Variants in MISFA observed in about 807,000 individuals in gnomAD.
The protein encoded by MISFA is mitochondrial sheath formation associated.
chr11:18,609,712 C>G, the MISFA span: 7 of 662,226 alleles, frequency 1.1e-5, no homozygotes, highest in African/African-American at 1.1e-4. Flanking sequence ...ATTTTATGCT[C>G]AAATGACAGC....
the MISFA span, chr11:18,608,021 AGGG>A: frequency 2.6e-5 from 4 of 152,572 alleles, no homozygotes; most frequent in African/African-American, 9.7e-5. Context: ...AAATTTTTGA[AGGG>A]GGAATAAAAG....
the MISFA span, among the ~76,000 whole-genome samples, chr11:18,605,666 TG>T: frequency 6.6e-5 from 10 of 152,216 alleles, no homozygotes; most frequent in African/African-American, 2.4e-4. Flanking sequence ...TTACATCCTC[TG>T]GCTGTATAGC....
At chr11:18,607,801 G>C in the MISFA span, 2 of 152,184 alleles carry the variant, frequency 1.3e-5, no homozygotes, top group African/African-American at 4.8e-5. Flanking sequence ...AGAAGTAACA[G>C]ACACACAAGG....
the MISFA span, chr11:18,602,544 A>G: frequency 6.6e-6 from 1 of 152,652 alleles, no homozygotes; most frequent in East Asian, 1.9e-4. Flanking sequence ...CTTCTCAGGA[A>G]AGTTGTAAAT....
the MISFA span, chr11:18,601,761 C>T: frequency 2.6e-6 from 1 of 379,302 alleles, no homozygotes; most frequent in East Asian, 3.8e-5. Context: ...CTGGAGTTAA[C>T]ATTGAACTTG....
chr11:18,609,596 T>A, the MISFA span: 1 of 457,690 alleles, frequency 2.2e-6, no homozygotes, highest in South Asian at 2.9e-5. Context: ...AGTGCATAGC[T>A]CATCAGGATC....
chr11:18,606,682 A>C, the MISFA span: 5 of 411,256 alleles, frequency 1.2e-5, no homozygotes, highest in South Asian at 9.0e-5. Flanking sequence ...TATTCAATAC[A>C]TTGAAAATAA....
chr11:18,601,469 A>G, the MISFA span: 373,757 of 394,570 alleles, frequency 0.95, 177,150 homozygotes, highest in East Asian at 1. Flanking sequence ...TTTTTTCTGA[A>G]ACAGGTCTTG....
chr11:18,605,725 C>T, the MISFA span, among the ~76,000 whole-genome samples: 1 of 152,144 alleles, frequency 6.6e-6, no homozygotes, highest in Non-Finnish European at 1.5e-5. Context: ...CAGTCTCGTT[C>T]TGTCACCCAG....
At chr11:18,605,729 C>T in the MISFA span, among the ~76,000 whole-genome samples, 2 of 152,088 alleles carry the variant, frequency 1.3e-5, no homozygotes, top group Admixed American at 6.5e-5. Context: ...CTCGTTCTGT[C>T]ACCCAGGATA....
At chr11:18,606,678 A>G in the MISFA span, 1 of 410,036 alleles carries the variant, frequency 2.4e-6, no homozygotes, top group South Asian at 1.8e-5. Context: ...AATATATTCA[A>G]TACATTGAAA....
chr11:18,604,467 C>A, the MISFA span, among the ~76,000 whole-genome samples: 24 of 151,890 alleles, frequency 1.6e-4, no homozygotes, highest in African/African-American at 5.1e-4. Context: ...ACCAGCCTTG[C>A]CAACATGGTG....
chr11:18,609,610 G>A, the MISFA span: 1 of 487,870 alleles, frequency 2.0e-6, no homozygotes, highest in South Asian at 2.7e-5. Flanking sequence ...CAGGATCAAG[G>A]CTGGCATCTG....
the MISFA span, chr11:18,606,811 T>G: frequency 7.2e-5 from 27 of 375,192 alleles, no homozygotes; most frequent in Non-Finnish European, 5.0e-6. Flanking sequence ...CAACAATTTA[T>G]TTCTTGGAGA....
the MISFA span, chr11:18,601,158 G>T: frequency 2.5e-6 from 1 of 398,594 alleles, no homozygotes; most frequent in African/African-American, 2.1e-5. Flanking sequence ...GAGGAGGCGG[G>T]CTTTAGGTGA....
At chr11:18,609,329 CAT>C in the MISFA span, 12,563 of 153,368 alleles carry the variant, frequency 0.082, 1,358 homozygotes, top group African/African-American at 0.25. Flanking sequence ...GGATGACATC[CAT>C]ATGATAGTTA....
the MISFA span, among the ~76,000 whole-genome samples, chr11:18,605,783 C>G: frequency 6.6e-6 from 1 of 152,172 alleles, no homozygotes; most frequent in Non-Finnish European, 1.5e-5. Context: ...CTCCACCTCC[C>G]AGGTTTAAGT....
the MISFA span, among the ~76,000 whole-genome samples, chr11:18,605,551 A>G: frequency 6.6e-6 from 1 of 152,196 alleles, no homozygotes; most frequent in Admixed American, 6.5e-5. Flanking sequence ...AAGAAAATAA[A>G]TTCAAAATCC....
At chr11:18,601,920 A>G in the MISFA span, 2 of 165,780 alleles carry the variant, frequency 1.2e-5, no homozygotes, top group Non-Finnish European at 2.6e-5. Flanking sequence ...AATGTAAAGC[A>G]TTTAATGCAA....
Sources: gnomAD v4.1 joint callset for allele counts (sites outside exome capture counted in the v4.1 genomes callset) on GRCh38, gnomAD v4.1.1 for gene constraint, MANE v1.5 for transcripts, NCBI Gene and HGNC (gene_info 2026-07-23, HGNC 2026-07-21) for gene names.